The following RNF103 variants were observed in gnomAD, a reference collection of about 807,000 sequenced individuals.
RNF103 encodes the protein E3 ubiquitin-protein ligase RNF103.
A neutral mutation model predicts 66.2 loss-of-function variants in RNF103; 23 were observed. The ratio of observed to expected loss-of-function variants is 0.35; its 90% CI spans 0.25 to 0.49. RNF103 has a LOEUF of 0.49. Among genes scored for constraint, RNF103 ranks in the 20% least tolerant of loss-of-function variants. The pLI is 0.98. For synonymous variants in RNF103, 297 were observed against 289.9 expected (o/e 1.02, Z -0.25); for missense variants, 730 against 814.7 (o/e 0.90, Z 1.27).
In RNF103 at chr2:86,611,379, T is replaced by C. The variant is rs920849770; in HGVS notation, c.482+780A>G. Among the ~76,000 whole-genome samples the C allele has an allele frequency of 2.0e-5, 3 of 151,860 alleles. No individual in the cohort carries two copies. In the East Asian group the frequency reaches 5.8e-4, roughly 29 times the overall value. Reference sequence around the variant, plus strand: ...GGGTTCTAAGCAGAAGAGAAGTAAATGTAAGGCTAAGGAAAGGAGGTATAG... The same window carrying C: ...GGGTTCTAAGCAGAAGAGAAGTAAACGTAAGGCTAAGGAAAGGAGGTATAG... On this transcript the variant is annotated intron_variant, in intron 3 of 3. Transcript: ENST00000237455.
chr2:86,612,531 CTG>C (rs1678840142), intron 2 of RNF103: 1 of 298,424 alleles, frequency 3.4e-6, no homozygotes. Context: ...GGAGTCAAAA[CTG>C]TATTAAAAGG....
chr2:86,613,425 T>TA (rs770957966), intron 2 of RNF103: 2 of 152,224 alleles, frequency 1.3e-5, no homozygotes, highest in Non-Finnish European at 2.9e-5. Flanking sequence ...AATGGGAAGT[T>TA]AAAGGAAAGC....
intron 3 of RNF103, among the ~76,000 whole-genome samples, chr2:86,606,889 T>C (rs543724225): frequency 6.6e-6 from 1 of 152,178 alleles, no homozygotes; most frequent in East Asian, 1.9e-4. Flanking sequence ...GCGATTCTCC[T>C]GCCTCAGCCT....
At position 86,613,455 on chromosome 2, in the gene RNF103, C is replaced by T. The variant is rs540709812; in HGVS notation, c.367-1181G>A. 5 of 152,294 alleles carry T rather than the reference C, an allele frequency of 3.3e-5. No homozygotes were observed. In the East Asian group the frequency reaches 9.6e-4, roughly 29 times the overall value. 9.4% of individuals were successfully genotyped at this position (152,294 alleles called of 1,614,324 possible). A position where few individuals can be genotyped will look rare whatever the true frequency, so the allele number is the denominator to read the frequency against. On this transcript the variant is annotated intron_variant, in intron 2 of 3. Transcript: ENST00000237455. Reference sequence around the variant, plus strand: ...GAAAGCCAAAAATGTCTAAAGTCATCATGAAACCATCTGTTTAAGTCCAGG... The same window carrying T: ...GAAAGCCAAAAATGTCTAAAGTCATTATGAAACCATCTGTTTAAGTCCAGG...
Position 86,604,376 on chromosome 2 carries a change from T to C in RNF103, c.1525A>G (p.Ile509Val), listed in dbSNP as rs765917255. The change falls in exon 4 of 4, where the codon ATT (isoleucine) becomes GTT (valine). Residue 509 changes from isoleucine to valine, a missense_variant. Transcript: ENST00000237455. ...WLHPLIPTDY[I>V]KNLPMWRFKC... ...AATCGCCACATTGGTAAGTTTTTAA[T>C]ATAATCAGTTGGTATCAGAGGGTGA... 6 of 1,614,108 alleles carry C rather than the reference T, an allele frequency of 3.7e-6. No individual in the cohort carries two copies. In the South Asian group the frequency reaches 6.6e-5, roughly 18 times the overall value.
intron 3 of RNF103, among the ~76,000 whole-genome samples, chr2:86,608,022 A>C (rs1470281723): frequency 6.6e-6 from 1 of 152,238 alleles, no homozygotes; most frequent in Non-Finnish European, 1.5e-5. Context: ...TTTATTGCCA[A>C]TTCAAAAAAA....
Position 86,605,282 on chromosome 2 carries a change from T to C in RNF103, c.619A>G (p.Thr207Ala). ...IEVEHIFKWI[T>A]AHAASRIKTI... ...TTGATCCGAGAAGCTGCATGAGCAG[T>C]TATCCATTTAAAAATGTGCTCTACT... Residue 207 changes from threonine (T) to alanine (A), a missense_variant, in exon 4 of 4, where the codon ACT becomes GCT. Thr to Ala is a moderately conservative substitution (Grantham distance 58, BLOSUM62 0). Coordinates refer to ENST00000237455, the MANE Select transcript of RNF103 (RefSeq NM_005667.4). The C allele has an allele frequency of 6.2e-7, 1 of 1,614,202 alleles. No homozygotes were observed. The highest frequency in any genetic ancestry group is 8.5e-7 in the Non-Finnish European group (1 of 1,180,026).
chr2:86,614,940 A>C (rs976019326), intron 2 of RNF103: 1 of 985,410 alleles, frequency 1.0e-6, no homozygotes. Context: ...CACTGCTCCA[A>C]GGAGTTTAGA....
intron 2 of RNF103, chr2:86,617,052 T>C (rs1452048104): frequency 2.0e-6 from 2 of 985,320 alleles, no homozygotes; most frequent in South Asian, 4.7e-5. Context: ...AGAAAAACAA[T>C]GTTAGGAATA....
chr2:86,613,464 A>C (rs1573362088), intron 2 of RNF103: 1 of 152,210 alleles, frequency 6.6e-6, no homozygotes. Context: ...TCATGAAACC[A>C]TCTGTTTAAG....
At chr2:86,615,167 C>T (rs2104243881) in intron 2 of RNF103, 2 of 985,326 alleles carry the variant, frequency 2.0e-6, no homozygotes, top group Middle Eastern at 5.2e-4. Context: ...GGGGCAGGTA[C>T]AAGACAATGT....
intron 1 of RNF103, among the ~76,000 whole-genome samples, chr2:86,621,883 A>C (rs984312746): frequency 6.6e-6 from 1 of 152,194 alleles, no homozygotes; most frequent in Non-Finnish European, 1.5e-5. Flanking sequence ...CAATCCTACC[A>C]AAACCAACAA....
intron 2 of RNF103, chr2:86,613,973 C>A (rs892349229): frequency 6.6e-6 from 1 of 152,164 alleles, no homozygotes; most frequent in South Asian, 2.1e-4. Flanking sequence ...CTCTGTTCCC[C>A]AGGCTGAAGT....
rs1679042969 is a variant in RNF103 at position 86,616,835 on chromosome 2, G to A, written c.366+3495C>T. The A allele has an allele frequency of 3.0e-6, 3 of 985,386 alleles. No homozygotes were observed. In the African/African-American group the frequency reaches 5.2e-5, roughly 17 times the overall value. 61.0% of individuals were successfully genotyped at this position (985,386 alleles called of 1,614,324 possible). A position where few individuals can be genotyped will look rare whatever the true frequency, so the allele number is the denominator to read the frequency against. On this transcript the variant is annotated intron_variant, in intron 2 of 3. Transcript: ENST00000237455. ...CGGAGAAACAGAAATGTTAGGAGGAGGATAAATCCATAAAACCCATAAATT... is the reference window on the plus strand; with the variant it reads ...CGGAGAAACAGAAATGTTAGGAGGAAGATAAATCCATAAAACCCATAAATT...
Position 86,623,231 on chromosome 2 carries a change from T to G in RNF103, c.-345A>C. Reference sequence around the variant, plus strand: ...CGGGGAAGAACAAAACGAGGGACGCTTCCCCCGGGGCGGGCACTGACCCAG... The same window carrying G: ...CGGGGAAGAACAAAACGAGGGACGCGTCCCCCGGGGCGGGCACTGACCCAG... On this transcript the variant is annotated 5_prime_UTR_variant, in exon 1 of 4. Transcript: ENST00000237455. 2.0e-6 allele frequency: 2 copies of G among 1,007,342 alleles called. No homozygotes were observed. Among genetic ancestry groups the G allele is most frequent in the East Asian group, 1.0e-4 (1 of 9,612 alleles). 62.4% of individuals were successfully genotyped at this position (1,007,342 alleles called of 1,614,324 possible). A position where few individuals can be genotyped will look rare whatever the true frequency, so the allele number is the denominator to read the frequency against.
At chr2:86,611,369 G>A (rs1678784455) in intron 3 of RNF103, among the ~76,000 whole-genome samples, 1 of 152,110 alleles carries the variant, frequency 6.6e-6, no homozygotes. Context: ...CTAAGCAGAA[G>A]AGAAGTAAAT....
At chr2:86,616,279 C>T (rs1177749952) in intron 2 of RNF103, 1 of 170,926 alleles carries the variant, frequency 5.9e-6, no homozygotes, top group African/African-American at 2.4e-5. Flanking sequence ...CTCCCTGGAA[C>T]AATGAGAGTA....
At position 86,605,223 on chromosome 2, in the gene RNF103, T is replaced by C; in HGVS notation, c.678A>G (p.Glu226=). 6.2e-7 allele frequency: 1 copy of C among 1,614,092 alleles called. No individual in the cohort carries two copies. Among genetic ancestry groups the C allele is most frequent in the African/African-American group, 1.3e-5 (1 of 75,056 alleles). Residue 226 remains glutamate (E), a synonymous_variant, in exon 4 of 4, where the codon GAA becomes GAG. Coordinates refer to ENST00000237455, the MANE Select transcript of RNF103 (RefSeq NM_005667.4). ...ACCAATACTGATCACTTTTATTCCA[T>C]TCTTCTTTCAAGTGTTCAGCATTAT... ...TIYNAEHLKE[E]WNKSDQYWLK...
At chr2:86,620,283 A>G in intron 2 of RNF103, 47 bp downstream of exon 2, 3 of 1,530,282 alleles carry the variant, frequency 2.0e-6, no homozygotes, top group Non-Finnish European at 2.7e-6. Context: ...GGTAAAAATA[A>G]TTTTTTTAGG....
Sources: allele counts gnomAD v4.1 joint callset (sites outside exome capture counted in the v4.1 genomes callset), GRCh38; gene constraint gnomAD v4.1.1; transcripts MANE v1.5; gene names NCBI Gene and HGNC (gene_info 2026-07-23, HGNC 2026-07-21).